The following PDE4D variants were observed in gnomAD, a reference collection of about 807,000 sequenced individuals.
PDE4D encodes the protein phosphodiesterase 4D, also known as 3',5'-cyclic-AMP phosphodiesterase 4D.
Under a neutral mutation model 87.4 loss-of-function variants are expected in PDE4D, and 24 were observed. The ratio of observed to expected loss-of-function variants is 0.27; its 90% CI spans 0.20 to 0.39. The LOEUF is 0.39. PDE4D is among the 10% of genes least tolerant of loss of function. The pLI, the probability that PDE4D is intolerant of heterozygous loss-of-function variation, is 1.00. For missense variants in PDE4D, 714 were observed against 1,041.0 expected, an observed-to-expected ratio of 0.69 and a Z score of 4.32; for synonymous variants, 384 against 383.2, an observed-to-expected ratio of 1.00 and a Z score of -0.02.
At chr5:60,038,193 C>T (rs1365326525) in intron 2 of PDE4D, among the ~76,000 whole-genome samples, 1 of 152,100 alleles carries the variant, frequency 6.6e-6, no homozygotes, top group Non-Finnish European at 1.5e-5. Context: ...ACATGAAGTC[C>T]TTGCCCATGC....
At chr5:59,011,037 A>T (rs1408582827) in intron 6 of PDE4D, among the ~76,000 whole-genome samples, 3 of 152,146 alleles carry the variant, frequency 2.0e-5, no homozygotes, top group Admixed American at 2.0e-4. Flanking sequence ...CAGGGTCTGG[A>T]GTGGACCTCC....
At chr5:60,263,503 G>A (rs879795821) in intron 1 of PDE4D, among the ~76,000 whole-genome samples, 5 of 151,932 alleles carry the variant, frequency 3.3e-5, no homozygotes, top group Non-Finnish European at 7.4e-5. Context: ...GGGAGATGCA[G>A]TTAAAACTAG....
intron 1 of PDE4D, among the ~76,000 whole-genome samples, chr5:60,371,672 T>C (rs368629622): frequency 7.9e-5 from 12 of 152,314 alleles, no homozygotes; most frequent in African/African-American, 2.9e-4. Context: ...ATGTTCTATC[T>C]CAGGCACCTT....
chr5:60,519,995 A>G (rs888629062), intron 1 of PDE4D, among the ~76,000 whole-genome samples: 3 of 152,208 alleles, frequency 2.0e-5, no homozygotes, highest in Admixed American at 6.5e-5. Context: ...GAGACTTTCT[A>G]TTCCCTAAAA....
chr5:59,050,147 A>T (rs1456115475), intron 5 of PDE4D, among the ~76,000 whole-genome samples: 2 of 152,154 alleles, frequency 1.3e-5, no homozygotes, highest in African/African-American at 4.8e-5. Flanking sequence ...GGTGCCTGTA[A>T]TCCCAGCTAC....
At chr5:60,319,756 C>G (rs961495493) in intron 1 of PDE4D, among the ~76,000 whole-genome samples, 1 of 152,138 alleles carries the variant, frequency 6.6e-6, no homozygotes, top group Admixed American at 6.5e-5. Flanking sequence ...CACTCCAGAC[C>G]CTGTTTCCCT....
chr5:60,272,096 G>T (rs982948729), intron 1 of PDE4D, among the ~76,000 whole-genome samples: 2 of 152,142 alleles, frequency 1.3e-5, no homozygotes, highest in Non-Finnish European at 2.9e-5. Context: ...TCCTCCTACA[G>T]AAGAAACAGT....
In PDE4D at chr5:59,175,781, ATTTTTTT is replaced by A. The variant is rs57572403; in HGVS notation, c.808+4807_808+4813del. 2.8e-3 allele frequency among the ~76,000 whole-genome samples: 264 copies of A among 94,570 alleles called. 1 individual carries two copies. The highest frequency in any genetic ancestry group is 6.9e-3 in the African/African-American group (171 of 24,938). The allele number at this position is 94,570 out of a possible 152,430, so 62.0% of individuals were successfully genotyped here. A position where few individuals can be genotyped will look rare whatever the true frequency, so the allele number is the denominator to read the frequency against. On this transcript the variant is annotated intron_variant, in intron 5 of 14. Transcript: ENST00000340635. ...GCATGAGCCACCATGCCCGGCCTCC[ATTTTTTT>A]TTTTTTTTTTTTTTTTTTACTTTAG...
chr5:58,969,580 G>A lies in PDE4D; in HGVS notation c.*5084C>T, dbSNP rs1007739244. On this transcript the variant is annotated 3_prime_UTR_variant, in exon 15 of 15. Coordinates refer to ENST00000340635, the MANE Select transcript of PDE4D (RefSeq NM_001104631.2). The stretch of plus-strand genomic sequence containing the variant: ...TCTGTGGCCCTCCGGAACAGATCAA[G>A]TTCAGGTTCCTGCTTATTTACCCCA... 1 of 152,150 alleles carries A rather than the reference G, an allele frequency of 6.6e-6. No individual in the cohort carries two copies. Among genetic ancestry groups the A allele is most frequent in the African/African-American group, 2.4e-5 (1 of 41,426 alleles). 9.4% of individuals were successfully genotyped at this position (152,150 alleles called of 1,614,324 possible).
chr5:60,264,776 C>T (rs540532669), intron 1 of PDE4D, among the ~76,000 whole-genome samples: 3 of 152,132 alleles, frequency 2.0e-5, no homozygotes, highest in Admixed American at 6.6e-5. Flanking sequence ...TTAGAGGTGA[C>T]GTGCACACCC....
chr5:59,856,403 G>C (rs1451797093), intron 1 of PDE4D, among the ~76,000 whole-genome samples: 3 of 152,094 alleles, frequency 2.0e-5, no homozygotes, highest in Admixed American at 2.0e-4. Context: ...ATTTCTGTAG[G>C]TGCATGTTTC....
chr5:60,485,975 G>C (rs1001334668), intron 1 of PDE4D, among the ~76,000 whole-genome samples: 1 of 152,184 alleles, frequency 6.6e-6, no homozygotes, highest in East Asian at 1.9e-4. Flanking sequence ...ATTAATGTTT[G>C]ATAATTAAGC....
At chr5:59,200,047 G>A (rs1028301706) in intron 2 of PDE4D, among the ~76,000 whole-genome samples, 1 of 39,466 alleles carries the variant, frequency 2.5e-5, no homozygotes. Flanking sequence ...ACACACGTAT[G>A]TACACACATG....
At chr5:60,041,942 G>A (rs1439464776) in intron 2 of PDE4D, among the ~76,000 whole-genome samples, 1 of 151,292 alleles carries the variant, frequency 6.6e-6, no homozygotes, top group Admixed American at 6.6e-5. Context: ...GCACCTGGAA[G>A]GCCAGTGAGA....
At chr5:59,923,258 G>A (rs57261749) in intron 3 of PDE4D, among the ~76,000 whole-genome samples, 11,882 of 152,210 alleles carry the variant, frequency 0.078, 954 homozygotes, top group African/African-American at 0.2. Flanking sequence ...GGCATCTCTG[G>A]ATTCTCCTAG....
intron 5 of PDE4D, among the ~76,000 whole-genome samples, chr5:59,071,073 A>T (rs916771083): frequency 1.3e-5 from 2 of 152,172 alleles, no homozygotes; most frequent in South Asian, 4.1e-4. Context: ...ACTCTTGATC[A>T]ATAGTTTGGT....
At chr5:60,425,098 G>T (rs1298192885) in intron 1 of PDE4D, among the ~76,000 whole-genome samples, 1 of 152,118 alleles carries the variant, frequency 6.6e-6, no homozygotes, top group Non-Finnish European at 1.5e-5. Flanking sequence ...TGTGAAAACG[G>T]CCACACTGCC....
chr5:59,041,450 A>G (rs1232272456), intron 5 of PDE4D, among the ~76,000 whole-genome samples: 1 of 152,178 alleles, frequency 6.6e-6, no homozygotes, highest in East Asian at 1.9e-4. Context: ...TGGTTTTGAT[A>G]TTTTCCTCTC....
At position 58,991,979 on chromosome 5, in the gene PDE4D, A is replaced by G. The variant is rs767986152; in HGVS notation, c.1041T>C (p.Pro347=). The change falls in exon 8 of 15, where the codon CCT becomes CCC. Residue 347 remains proline, a synonymous_variant. Transcript: ENST00000340635. ...FLDKQHEVEI[P]SPTQKEKEKK... ...TCTCCTTTTCCTTCTGAGTTGGAGA[A>G]GGAATTTCCACTTCATGTTGCTTAT... 1.3e-4 allele frequency: 212 copies of G among 1,583,018 alleles called. No individual in the cohort carries two copies. The highest frequency in any genetic ancestry group is 1.7e-4 in the Non-Finnish European group (203 of 1,166,136).
Sources: gnomAD v4.1 joint callset for allele counts (sites outside exome capture counted in the v4.1 genomes callset) on GRCh38, gnomAD v4.1.1 for gene constraint, MANE v1.5 for transcripts, NCBI Gene and HGNC (gene_info 2026-07-23, HGNC 2026-07-21) for gene names.